The following SEMA6D variants were observed in gnomAD, a reference collection of about 807,000 sequenced individuals.
SEMA6D encodes semaphorin 6D, also known as semaphorin-6D.
In SEMA6D, 35 loss-of-function variants were observed where a neutral mutation model predicts 106.6. That is an observed-to-expected ratio of 0.33 (90% CI 0.25 to 0.44). The LOEUF (loss-of-function observed/expected upper bound fraction) is 0.44. Ranked by LOEUF, SEMA6D falls within the 20% of genes least tolerant of loss-of-function variation. The probability of loss-of-function intolerance (pLI) is 1.00; values close to 1 mark genes in which losing one functional copy is unlikely to be tolerated. For synonymous variants in SEMA6D, 499 were observed against 487.7 expected, an observed-to-expected ratio of 1.02 and a Z score of -0.31; for missense variants, 1,185 against 1,345.9, an observed-to-expected ratio of 0.88 and a Z score of 1.87.
At chr15:47,604,655 T>G (rs1379141147) in intron 4 of SEMA6D, among the ~76,000 whole-genome samples, 2 of 152,198 alleles carry the variant, frequency 1.3e-5, no homozygotes, top group African/African-American at 4.8e-5. Flanking sequence ...CTTTCTCTTT[T>G]AAAACTCTAG....
intron 4 of SEMA6D, among the ~76,000 whole-genome samples, chr15:47,643,379 A>G (rs1430098703): frequency 6.6e-6 from 1 of 152,064 alleles, no homozygotes; most frequent in Non-Finnish European, 1.5e-5. Context: ...ATAGCTTCTC[A>G]TGGCAGGTTT....
At chr15:47,761,121 A>T (rs2082041198) in intron 4 of SEMA6D, 37 bp from the exon 5 acceptor site, 1 of 1,612,674 alleles carries the variant, frequency 6.2e-7, no homozygotes, top group East Asian at 2.2e-5. Context: ...AAATGTTCGC[A>T]GTTAAAAACT....
chr15:47,254,253 T>C (rs1028096018), intron 1 of SEMA6D, among the ~76,000 whole-genome samples: 1 of 148,092 alleles, frequency 6.8e-6, no homozygotes, highest in Non-Finnish European at 1.5e-5. Context: ...GTCTTTGAGA[T>C]TATATATATA....
chr15:47,535,362 G>T (rs2045127091), intron 3 of SEMA6D, among the ~76,000 whole-genome samples: 1 of 152,106 alleles, frequency 6.6e-6, no homozygotes, highest in Non-Finnish European at 1.5e-5. Flanking sequence ...ACTTGCCCAA[G>T]GTCACTGAGT....
At chr15:47,766,731 C>A in intron 16 of SEMA6D, 54 bp downstream of exon 16, 2 of 1,215,066 alleles carry the variant, frequency 1.6e-6, no homozygotes, top group Non-Finnish European at 2.4e-6. Flanking sequence ...CACATTTGCA[C>A]GTCGACATTA....
chr15:47,709,299 A>G (rs1334591739), intron 4 of SEMA6D, among the ~76,000 whole-genome samples: 21 of 152,222 alleles, frequency 1.4e-4, no homozygotes, highest in Non-Finnish European at 2.9e-4. Flanking sequence ...AGAGGTAGTA[A>G]AGGCCCCAGA....
chr15:47,280,265 T>C (rs1409217132), intron 1 of SEMA6D, among the ~76,000 whole-genome samples: 2 of 152,096 alleles, frequency 1.3e-5, no homozygotes, highest in African/African-American at 2.4e-5. Flanking sequence ...GGAGAGTGTA[T>C]GTGTAGAGGA....
intron 13 of SEMA6D, chr15:47,765,397 T>C: frequency 1.8e-6 from 2 of 1,089,380 alleles, no homozygotes; most frequent in Non-Finnish European, 1.1e-6. Context: ...CACACAAATA[T>C]ACATGCACAT....
At chr15:47,368,397 C>T (rs1298153894) in intron 1 of SEMA6D, among the ~76,000 whole-genome samples, 1 of 152,218 alleles carries the variant, frequency 6.6e-6, no homozygotes, top group African/African-American at 2.4e-5. Flanking sequence ...ATACCCACTC[C>T]ACACAATCCA....
intron 4 of SEMA6D, among the ~76,000 whole-genome samples, chr15:47,672,639 G>A (rs1303999920): frequency 6.6e-6 from 1 of 152,048 alleles, no homozygotes; most frequent in Admixed American, 6.6e-5. Flanking sequence ...GTGTATTGAT[G>A]ATATCAATAA....
chr15:47,736,942 A>G (rs1225967235), intron 1 of SEMA6D, among the ~76,000 whole-genome samples: 1 of 152,164 alleles, frequency 6.6e-6, no homozygotes, highest in Admixed American at 6.6e-5. Context: ...CACCAAGAGA[A>G]CGGCGGTGAT....
chr15:47,691,817 T>A (rs1315989130), intron 4 of SEMA6D, among the ~76,000 whole-genome samples: 1 of 149,276 alleles, frequency 6.7e-6, no homozygotes, highest in African/African-American at 2.5e-5. Context: ...CCAGCCCTCA[T>A]GGAAAGTATA....
intron 4 of SEMA6D, among the ~76,000 whole-genome samples, chr15:47,637,454 T>C (rs2077409307): frequency 6.6e-6 from 1 of 152,176 alleles, no homozygotes; most frequent in South Asian, 2.1e-4. Flanking sequence ...ACTTGGCTGA[T>C]AGAGGATACA....
chr15:47,438,341 C>T (rs1224274879), intron 2 of SEMA6D, among the ~76,000 whole-genome samples: 3 of 152,052 alleles, frequency 2.0e-5, no homozygotes, highest in Admixed American at 1.3e-4. Context: ...CTCCTAGAAC[C>T]CATCTCAACA....
intron 2 of SEMA6D, among the ~76,000 whole-genome samples, chr15:47,461,816 C>T (rs887129818): frequency 6.6e-6 from 1 of 151,876 alleles, no homozygotes; most frequent in African/African-American, 2.4e-5. Context: ...ACTTGAAGGG[C>T]AAATTTGTAA....
rs143725168 is a variant in SEMA6D at position 47,372,184 on chromosome 15, C to T, written c.-238-40209C>T. ...TTAGAACTCTTGCTTCAGATGGCACCCAGCCTCTAGCTTCATCTGTTTATA... is the reference window on the plus strand; with the variant it reads ...TTAGAACTCTTGCTTCAGATGGCACTCAGCCTCTAGCTTCATCTGTTTATA... On this transcript the variant is annotated intron_variant, in intron 1 of 19. Transcript: ENST00000558014. Among the ~76,000 whole-genome samples the T allele has an allele frequency of 3.8e-3, 575 of 152,276 alleles. 2 individuals carry two copies. Among genetic ancestry groups the T allele is most frequent in the African/African-American group, 0.013 (555 of 41,558 alleles).
chr15:47,375,804 ATAATT>A (rs2039428474), intron 1 of SEMA6D, among the ~76,000 whole-genome samples: 1 of 152,256 alleles, frequency 6.6e-6, no homozygotes, highest in Admixed American at 6.5e-5. Context: ...TGCATTGAAA[ATAATT>A]TAAAGGACAA....
At chr15:47,345,138 A>T (rs995697942) in intron 1 of SEMA6D, among the ~76,000 whole-genome samples, 2 of 152,234 alleles carry the variant, frequency 1.3e-5, no homozygotes, top group African/African-American at 4.8e-5. Context: ...TTAAGATATC[A>T]ATTTATCCAT....
chr15:47,188,673 A>G (rs1893738661), intron 1 of SEMA6D, among the ~76,000 whole-genome samples: 1 of 152,166 alleles, frequency 6.6e-6, no homozygotes, highest in African/African-American at 2.4e-5. Context: ...CTACTTATGT[A>G]TACAATTTCT....
Sources: allele counts gnomAD v4.1 joint callset (sites outside exome capture counted in the v4.1 genomes callset), GRCh38; gene constraint gnomAD v4.1.1; transcripts MANE v1.5; gene names NCBI Gene and HGNC (gene_info 2026-07-23, HGNC 2026-07-21).